The following STIM1 variants were observed in gnomAD, a reference collection of about 807,000 sequenced individuals.
STIM1 encodes the protein stromal interaction molecule 1.
STIM1 carries 25 observed loss-of-function variants against 74.7 expected under a neutral mutation model. That is an observed-to-expected ratio of 0.33 (90% CI 0.24 to 0.47). STIM1 has a LOEUF of 0.47. Among genes scored for constraint, STIM1 ranks in the 20% least tolerant of loss-of-function variants. The pLI is 1.00. For synonymous variants in STIM1, 328 were observed against 348.8 expected, an observed-to-expected ratio of 0.94 and a Z score of 0.66; for missense variants, 728 against 920.8, an observed-to-expected ratio of 0.79 and a Z score of 2.71.
At chr11:3,874,730 C>T (rs1421802760) in intron 1 of STIM1, among the ~76,000 whole-genome samples, 16 of 152,210 alleles carry the variant, frequency 1.1e-4, no homozygotes. Flanking sequence ...AATCTACCTC[C>T]CTCATCTGAC....
Position 4,092,228 on chromosome 11 carries a change from G to C in STIM1, c.*430G>C, listed in dbSNP as rs1298995844. The C allele has an allele frequency of 6.5e-6, 2 of 306,432 alleles. No homozygotes were observed. The highest frequency in any genetic ancestry group is 8.7e-5 in the Admixed American group (2 of 23,066). The allele number at this position is 306,432 out of a possible 1,614,324, so 19.0% of individuals were successfully genotyped here. ...AGTTGCAGGGAAGATAGGACGAGTA[G>C]CTTCTGACATGTGTGCCTCAGATCT... On this transcript the variant is annotated 3_prime_UTR_variant, in exon 13 of 13. Coordinates refer to ENST00000526596, the MANE Select transcript of STIM1 (RefSeq NM_001382567.1).
intron 5 of STIM1, among the ~76,000 whole-genome samples, chr11:4,067,230 A>G (rs1590686827): frequency 6.6e-6 from 1 of 152,168 alleles, no homozygotes; most frequent in African/African-American, 2.4e-5. Context: ...TTATATAACA[A>G]ATTGGGGCAG....
At chr11:4,063,791 G>T (rs2065887179) in intron 5 of STIM1, among the ~76,000 whole-genome samples, 1 of 152,058 alleles carries the variant, frequency 6.6e-6, no homozygotes, top group Non-Finnish European at 1.5e-5. Context: ...TGTGACCTTG[G>T]GTAGTCACTT....
At chr11:3,947,966 C>T (rs578037013) in intron 1 of STIM1, among the ~76,000 whole-genome samples, 2 of 152,166 alleles carry the variant, frequency 1.3e-5, no homozygotes, top group Non-Finnish European at 2.9e-5. Context: ...CTCCCTTAGA[C>T]AGTTAACAGT....
At chr11:3,938,815 C>T (rs1164550513) in intron 1 of STIM1, among the ~76,000 whole-genome samples, 1 of 152,178 alleles carries the variant, frequency 6.6e-6, no homozygotes, top group Non-Finnish European at 1.5e-5. Context: ...CCACTGCGCT[C>T]CAGCCTGGGT....
rs187835485 is a variant in STIM1, at chr11:4,014,891, T to C, written c.271-8982T>C. On this transcript the variant is annotated intron_variant, in intron 2 of 12. Coordinates refer to ENST00000526596, the MANE Select transcript of STIM1 (RefSeq NM_001382567.1). ...TTGCAACCCCTGCTTTTTATTGCTTTCCATTAGCTTGGTGGATCTTCCTCT... is the reference window on the plus strand; with the variant it reads ...TTGCAACCCCTGCTTTTTATTGCTTCCCATTAGCTTGGTGGATCTTCCTCT... Among the ~76,000 whole-genome samples the C allele has an allele frequency of 2.0e-3, 304 of 152,346 alleles. 1 individual carries two copies. The highest frequency in any genetic ancestry group is 2.9e-3 in the Non-Finnish European group (198 of 68,028).
rs201089715 is a variant in STIM1, at chr11:4,092,978, T to G, written c.*1180T>G. 7.5e-6 allele frequency: 1 copy of G among 133,532 alleles called. No homozygotes were observed. The highest frequency in any genetic ancestry group is 1.6e-5 in the Non-Finnish European group (1 of 62,954). 8.3% of individuals were successfully genotyped at this position (133,532 alleles called of 1,614,324 possible). On this transcript the variant is annotated 3_prime_UTR_variant, in exon 13 of 13. Coordinates refer to ENST00000526596, the MANE Select transcript of STIM1 (RefSeq NM_001382567.1). ...CCCACCCTCTAGACAACTCTCTCCC[T>G]TACCTGTTTTTGCTATGGCTGTAAA...
chr11:3,863,993 A>G (rs1305448617), intron 1 of STIM1, among the ~76,000 whole-genome samples: 1 of 152,058 alleles, frequency 6.6e-6, no homozygotes, highest in African/African-American at 2.4e-5. Context: ...CTTAGCATGC[A>G]TCCCCCGAGA....
chr11:3,981,107 TC>T (rs1014422367), intron 2 of STIM1, among the ~76,000 whole-genome samples: 12 of 152,268 alleles, frequency 7.9e-5, no homozygotes, highest in African/African-American at 2.2e-4. Context: ...CGATGATTCT[TC>T]TGCCTCAGGC....
intron 1 of STIM1, among the ~76,000 whole-genome samples, chr11:3,920,533 G>T (rs970783694): frequency 2.0e-5 from 3 of 151,846 alleles, no homozygotes; most frequent in Admixed American, 6.6e-5. Flanking sequence ...TTTTGAAGTA[G>T]AATTATCCCA....
chr11:4,040,257 G>C (rs911916170), intron 3 of STIM1, among the ~76,000 whole-genome samples: 6 of 152,108 alleles, frequency 3.9e-5, no homozygotes, highest in Admixed American at 3.3e-4. Flanking sequence ...GATGAGTTTA[G>C]CATACAAGGT....
intron 2 of STIM1, among the ~76,000 whole-genome samples, chr11:4,015,683 A>G (rs1273594154): frequency 2.0e-5 from 3 of 152,222 alleles, no homozygotes; most frequent in African/African-American, 7.2e-5. Context: ...AGGTACACCA[A>G]TCAGACGTAG....
rs1044860857 is a variant in STIM1, at chr11:4,056,501, G to A, written c.497+864G>A. Among the ~76,000 whole-genome samples the A allele has an allele frequency of 4.6e-5, 7 of 152,238 alleles. No individual in the cohort carries two copies. The South Asian group carries it at 1.4e-3, about 31-fold the overall frequency. ...AACAAGCTGTCCTTGCCCTCAAAGGGCTTACTATCTGGTAAGTGCTGATTA... is the reference window on the plus strand; with the variant it reads ...AACAAGCTGTCCTTGCCCTCAAAGGACTTACTATCTGGTAAGTGCTGATTA... On this transcript the variant is annotated intron_variant, in intron 4 of 12. Transcript: ENST00000526596.
intron 2 of STIM1, among the ~76,000 whole-genome samples, chr11:3,976,849 C>T (rs1590616951): frequency 6.6e-6 from 1 of 151,506 alleles, no homozygotes; most frequent in Middle Eastern, 3.4e-3. Flanking sequence ...GAATGGAGTG[C>T]AGTGGTACAG....
intron 1 of STIM1, among the ~76,000 whole-genome samples, chr11:3,911,597 A>G (rs558489686): frequency 6.6e-6 from 1 of 151,906 alleles, no homozygotes; most frequent in South Asian, 2.1e-4. Context: ...CTGTTGCTCA[A>G]GCTGCTCTCA....
intron 12 of STIM1, among the ~76,000 whole-genome samples, chr11:4,090,465 CCTAT>C (rs1165057054): frequency 2.6e-5 from 4 of 152,202 alleles, no homozygotes; most frequent in Non-Finnish European, 5.9e-5. Context: ...CTCTGCAATA[CCTAT>C]CTATGACCTC....
chr11:3,935,454 T>A (rs900912266), intron 1 of STIM1, among the ~76,000 whole-genome samples: 1 of 152,240 alleles, frequency 6.6e-6, no homozygotes, highest in Non-Finnish European at 1.5e-5. Flanking sequence ...CCAGGAAACC[T>A]GGTTTCTTTT....
chr11:4,025,994 G>A (rs1309712535), intron 3 of STIM1, among the ~76,000 whole-genome samples: 3 of 152,126 alleles, frequency 2.0e-5, no homozygotes, highest in Non-Finnish European at 4.4e-5. Context: ...CAGACTAAAA[G>A]TGAGAATTTT....
chr11:3,981,361 T>C (rs1381755480), intron 2 of STIM1, among the ~76,000 whole-genome samples: 2 of 152,250 alleles, frequency 1.3e-5, no homozygotes, highest in Non-Finnish European at 2.9e-5. Context: ...TTAACTGTCC[T>C]ACCAGATTTT....
Sources: gnomAD v4.1 joint callset for allele counts (sites outside exome capture counted in the v4.1 genomes callset) on GRCh38, gnomAD v4.1.1 for gene constraint, MANE v1.5 for transcripts, NCBI Gene and HGNC (gene_info 2026-07-23, HGNC 2026-07-21) for gene names.